The following SLC38A10 variants were observed in gnomAD, a reference collection of about 807,000 sequenced individuals.
SLC38A10 encodes the protein Sodium-coupled neutral amino acid transporter 10.
Under a neutral mutation model 81.0 loss-of-function variants are expected in SLC38A10, and 53 were observed. The observed-to-expected ratio is 0.65, with a 90% confidence interval of 0.53 to 0.82. SLC38A10 has a LOEUF of 0.82. Among genes scored for constraint, SLC38A10 ranks in the 40% least tolerant of loss-of-function variants. SLC38A10 has a pLI of 0.00. For missense variants in SLC38A10, 1,471 were observed against 1,545.0 expected (o/e 0.95, Z 0.80); for synonymous variants, 665 against 655.3 (o/e 1.01, Z -0.23).
At position 81,272,467 on chromosome 17, in the gene SLC38A10, G is replaced by GA; in HGVS notation, c.1024+48dup. The GA allele has an allele frequency of 4.7e-6, 6 of 1,286,208 alleles. 1 individual carries two copies. The highest frequency in any genetic ancestry group is 5.2e-6 in the Non-Finnish European group (5 of 953,270). 79.7% of individuals were successfully genotyped at this position (1,286,208 alleles called of 1,614,324 possible). A position where few individuals can be genotyped will look rare whatever the true frequency, so the allele number is the denominator to read the frequency against. On this transcript the variant is annotated intron_variant, in intron 9 of 15. Transcript: ENST00000374759. Reference sequence around the variant, plus strand: ...AACTGTGCAGGTCTTGGTTGATGCCGAAGCCCCGGGTCCCACTCCCCGGCA... The same window carrying GA: ...AACTGTGCAGGTCTTGGTTGATGCCGAAAGCCCCGGGTCCCACTCCCCGGCA...
chr17:81,256,322 T>A (rs985110261), intron 11 of SLC38A10, among the ~76,000 whole-genome samples: 7 of 152,148 alleles, frequency 4.6e-5, no homozygotes, highest in Non-Finnish European at 8.8e-5. Flanking sequence ...AGGGGCAACA[T>A]CTAATGCATC....
At chr17:81,280,224 G>C in intron 6 of SLC38A10, 1 of 425,954 alleles carries the variant, frequency 2.3e-6, no homozygotes, top group South Asian at 1.7e-5. Flanking sequence ...TCCAGCAGCC[G>C]TCTGAAGTCA....
chr17:81,250,977 C>T (rs536705041), intron 14 of SLC38A10: 8 of 1,331,098 alleles, frequency 6.0e-6, no homozygotes, highest in South Asian at 4.3e-5. Context: ...AGCCGAGCTC[C>T]GAGGCCCGAG....
chr17:81,289,789 G>A lies in SLC38A10; in HGVS notation c.119C>T (p.Ala40Val), dbSNP rs370058411. ...CFKQCGIVLG[A>V]LLLVFCSWMT... ...CCATGAGCAGAAGACCAAGAGCAGC[G>A]CCCCCAGGACGATGCCGCACTGCAG... Residue 40 changes from alanine (A) to valine (V), a missense_variant, in exon 2 of 16, where the codon GCG (alanine) becomes GTG (valine). Around this residue, in one of 2 missense-constraint regions of SLC38A10, gnomAD observed 720 missense variants for 827.7 expected, o/e 0.87. Transcript: ENST00000374759. The surrounding 1 kb of genome is among the most constrained non-coding windows in gnomAD (Gnocchi z 5.9). 1.7e-4 allele frequency: 275 copies of A among 1,604,062 alleles called. No homozygotes were observed. Among genetic ancestry groups the A allele is most frequent in the Non-Finnish European group, 2.3e-4 (265 of 1,176,628 alleles).
In SLC38A10 at chr17:81,270,571, CAG is replaced by C. The variant is rs1267100174; in HGVS notation, c.1131+345_1131+346del. Among the ~76,000 whole-genome samples the C allele has an allele frequency of 1.3e-5, 2 of 152,008 alleles. No individual in the cohort carries two copies. The highest frequency in any genetic ancestry group is 2.9e-5 in the Non-Finnish European group (2 of 67,994). ...CAGGAACAACGGTGGGTGGTGGCCT[CAG>C]GGGTGGGCGGCTGGGGAGGGGACTC... On this transcript the variant is annotated intron_variant, in intron 10 of 15. Coordinates refer to ENST00000374759, the MANE Select transcript of SLC38A10 (RefSeq NM_001037984.3). This position sits in a 1 kb window ranked among gnomAD's most constrained non-coding sequence, Gnocchi z 4.0.
chr17:81,285,649 G>A (rs1291916176), intron 2 of SLC38A10: 4 of 152,180 alleles, frequency 2.6e-5, no homozygotes, highest in South Asian at 2.1e-4. Flanking sequence ...CTTCCCCCAC[G>A]GCCCAGCCGG....
At chr17:81,291,579 A>G (rs2063310895) in intron 1 of SLC38A10, among the ~76,000 whole-genome samples, 1 of 152,008 alleles carries the variant, frequency 6.6e-6, no homozygotes, top group South Asian at 2.1e-4. Flanking sequence ...AAAAGACACG[A>G]TACCCAATGC....
chr17:81,245,574 C>T lies in SLC38A10; in HGVS notation c.3342G>A (p.Gly1114=). 6.2e-7 allele frequency: 1 copy of T among 1,608,546 alleles called. No individual in the cohort carries two copies. Among genetic ancestry groups the T allele is most frequent in the Non-Finnish European group, 8.5e-7 (1 of 1,178,114 alleles). ...GCAGGTGCTAGGACTCCTCTGGAGG[C>T]CCAGGCGCCTGTCTAAGCTGCCGGC... ...VHSRQLRQAP[G]PPEES The change falls in exon 16 of 16, where the codon GGG becomes GGA. Residue 1114 remains glycine (G), a synonymous_variant. Transcript: ENST00000374759.
chr17:81,267,982 C>T (rs775922684), intron 10 of SLC38A10, among the ~76,000 whole-genome samples: 2 of 151,218 alleles, frequency 1.3e-5, no homozygotes, highest in Non-Finnish European at 2.9e-5. Flanking sequence ...AGCCAGAGCT[C>T]GAGGGAGAGA....
intron 11 of SLC38A10, among the ~76,000 whole-genome samples, chr17:81,258,188 T>C (rs2062989702): frequency 1.3e-5 from 2 of 152,134 alleles, no homozygotes; most frequent in African/African-American, 2.4e-5. Context: ...GGTACCATCT[T>C]TGGCCTCTGC....
At chr17:81,262,862 G>A (rs960608394) in intron 10 of SLC38A10, 3 of 152,164 alleles carry the variant, frequency 2.0e-5, no homozygotes, top group African/African-American at 7.2e-5. Flanking sequence ...GAGACTGATG[G>A]GCCAAAGAAA....
intron 14 of SLC38A10, chr17:81,247,676 A>AT (rs1365839378): frequency 3.3e-5 from 5 of 151,556 alleles, no homozygotes; most frequent in African/African-American, 1.2e-4. Context: ...AAACAAAAAA[A>AT]ACAAAAAAAT....
intron 10 of SLC38A10, chr17:81,263,222 G>A (rs1331454644): frequency 1.3e-5 from 2 of 152,282 alleles, no homozygotes; most frequent in Admixed American, 1.3e-4. Context: ...GGAGGCTTGA[G>A]GTCACCGTAC....
rs757772879 is a variant in SLC38A10 at position 81,246,955 on chromosome 17, C to T, written c.2172G>A (p.Ala724=). 45 of 1,607,532 alleles carry T rather than the reference C, an allele frequency of 2.8e-5. No homozygotes were observed. The highest frequency in any genetic ancestry group is 2.7e-4 in the Admixed American group (16 of 59,964). Reference sequence around the variant, plus strand: ...TCTCCTTGTGCTGCTCCTCGATCACCGCCAGCAGCTTCTCCTGCTGGTCCA... The same window carrying T: ...TCTCCTTGTGCTGCTCCTCGATCACTGCCAGCAGCTTCTCCTGCTGGTCCA... ...RLLDQQEKLL[A]VIEEQHKEIH... Residue 724 remains alanine (A), a synonymous_variant, in exon 15 of 16, where the codon GCG becomes GCA. Transcript: ENST00000374759.
chr17:81,246,238 T>C lies in SLC38A10; in HGVS notation c.2678A>G (p.Lys893Arg), dbSNP rs1410217031. The C allele has an allele frequency of 1.2e-6, 2 of 1,612,664 alleles. No homozygotes were observed. Among genetic ancestry groups the C allele is most frequent in the Non-Finnish European group, 1.7e-6 (2 of 1,179,964 alleles). ...QDVTGGSQDR[K>R]KPGKEVAATG... ...GGCTGCCACCTCCTTCCCAGGTTTT[T>C]TCCTGTCTTGGGAACCGCCAGTAAC... The change falls in exon 16 of 16, where the codon AAA becomes AGA. Residue 893 changes from lysine to arginine, a missense_variant. Lys to Arg is a conservative substitution (Grantham distance 26, BLOSUM62 2). Around this residue, in one of 2 missense-constraint regions of SLC38A10, gnomAD observed 751 missense variants for 717.4 expected, o/e 1.05. Transcript: ENST00000374759.
chr17:81,253,262 G>C lies in SLC38A10; in HGVS notation c.1289-22C>G, dbSNP rs1468140332. 1 of 1,610,880 alleles carries C rather than the reference G, an allele frequency of 6.2e-7. No individual in the cohort carries two copies. On this transcript the variant is annotated intron_variant, in intron 11 of 15. Coordinates refer to ENST00000374759, the MANE Select transcript of SLC38A10 (RefSeq NM_001037984.3). The surrounding 1 kb of genome is among the most constrained non-coding windows in gnomAD (Gnocchi z 4.1). ...TGGGCTGGGAGCAGGGCACAGTTAG[G>C]GAACTGCACTGCCAAGCAGCTCCAG...
At chr17:81,249,689 G>A (rs535873248) in intron 14 of SLC38A10, among the ~76,000 whole-genome samples, 2 of 151,922 alleles carry the variant, frequency 1.3e-5, no homozygotes, top group Admixed American at 6.6e-5. Context: ...CAGAAGGCAC[G>A]AAGCCACCCA....
intron 5 of SLC38A10, 93 bp from the exon 6 acceptor site, chr17:81,280,826 G>T: frequency 6.7e-7 from 1 of 1,489,410 alleles, no homozygotes; most frequent in Non-Finnish European, 9.0e-7. Context: ...GGAGTGGCAG[G>T]AGAGTGCAGC....
intron 8 of SLC38A10, among the ~76,000 whole-genome samples, chr17:81,275,273 T>C (rs758522043): frequency 1.3e-4 from 20 of 151,952 alleles, no homozygotes; most frequent in Non-Finnish European, 2.5e-4. Flanking sequence ...TAGTGATGCA[T>C]TCACACTCAG....
Sources: allele counts gnomAD v4.1 joint callset (sites outside exome capture counted in the v4.1 genomes callset), GRCh38; gene constraint gnomAD v4.1.1; regional missense constraint gnomAD v4.1.1; non-coding constraint Gnocchi (gnomAD v3.1); transcripts MANE v1.5; gene names NCBI Gene and HGNC (gene_info 2026-07-23, HGNC 2026-07-21).